ARHGAP6: variants seen among roughly 807,000 people sequenced by gnomAD.
ARHGAP6 encodes the protein Rho GTPase activating protein 6, also known as rho GTPase-activating protein 6.
In ARHGAP6, 16 loss-of-function variants were observed where a neutral mutation model predicts 55.7. The ratio of observed to expected loss-of-function variants is 0.29; its 90% CI spans 0.19 to 0.44. The LOEUF (loss-of-function observed/expected upper bound fraction) is 0.44, where lower values mean the gene tolerates loss of function less well. Among genes scored for constraint, ARHGAP6 ranks in the 20% least tolerant of loss-of-function variants. The pLI, the probability that ARHGAP6 is intolerant of heterozygous loss-of-function variation, is 1.00. For missense variants in ARHGAP6, 698 were observed against 808.9 expected (o/e 0.86, Z 1.66); for synonymous variants, 382 against 360.9 (o/e 1.06, Z -0.66).
intron 1 of ARHGAP6, among the ~76,000 whole-genome samples, chrX:11,631,522 G>A (rs755991785): frequency 5.1e-4 from 55 of 107,110 alleles, no homozygotes; most frequent in Middle Eastern, 4.7e-3. Flanking sequence ...GCAAAACTCC[G>A]TCTAAAAAAA....
chrX:11,147,351 A>G (rs1217797318), intron 10 of ARHGAP6, among the ~76,000 whole-genome samples: 2 of 113,220 alleles, frequency 1.8e-5, no homozygotes, highest in East Asian at 2.8e-4. Flanking sequence ...ACACATGCAT[A>G]TACACATACA....
intron 1 of ARHGAP6, among the ~76,000 whole-genome samples, chrX:11,660,475 T>C (rs111340569): frequency 0.16 from 14,374 of 90,663 alleles, 1,030 homozygotes; most frequent in Middle Eastern, 0.29. Context: ...TGCATTGAGC[T>C]GAGATCGTGC....
chrX:11,156,979 G>A (rs1425184230), intron 9 of ARHGAP6, among the ~76,000 whole-genome samples: 3 of 112,536 alleles, frequency 2.7e-5, no homozygotes, highest in Non-Finnish European at 3.8e-5. Context: ...CCCAATGGGG[G>A]CACTTTCTAG....
rs189616881 is a variant in ARHGAP6 at position 11,333,949 on chromosome X, C to A, written c.589-79242G>T. Among the ~76,000 whole-genome samples, 4 of 111,822 alleles carry A rather than the reference C, an allele frequency of 3.6e-5. No homozygotes were observed. In the East Asian group the frequency reaches 1.1e-3, roughly 31 times the overall value. ...GTTTTTTGGTGCTATGAGTTTCTCA[C>A]ACATGTAAACCCTTTCGGAAAAGTT... On this transcript the variant is annotated intron_variant, in intron 1 of 12. Coordinates refer to ENST00000337414, the MANE Select transcript of ARHGAP6 (RefSeq NM_013427.3).
chrX:11,268,313 C>T (rs767688390), intron 1 of ARHGAP6, among the ~76,000 whole-genome samples: 18 of 112,004 alleles, frequency 1.6e-4, no homozygotes, highest in Admixed American at 1.0e-3. Context: ...GTATCCAGTG[C>T]GGTGTGCTTT....
intron 1 of ARHGAP6, among the ~76,000 whole-genome samples, chrX:11,307,340 C>T (rs374348811): frequency 2.1e-4 from 23 of 110,918 alleles, no homozygotes; most frequent in African/African-American, 7.6e-4. Flanking sequence ...GGCTTGCATA[C>T]TCTCTCTACC....
intron 1 of ARHGAP6, among the ~76,000 whole-genome samples, chrX:11,651,661 T>A (rs1159162790): frequency 8.9e-6 from 1 of 111,894 alleles, no homozygotes; most frequent in Admixed American, 9.5e-5. Context: ...TACCGAGTAA[T>A]GGGATTGCTG....
intron 1 of ARHGAP6, among the ~76,000 whole-genome samples, chrX:11,411,901 AACATTTTTGTC>A (rs2147766762): frequency 9.0e-6 from 1 of 111,414 alleles, no homozygotes; most frequent in Non-Finnish European, 1.9e-5. Flanking sequence ...CCAATTTGAG[AACATTTTTGTC>A]ACTTCAATAA....
At chrX:11,547,738 C>T (rs2051225323) in intron 1 of ARHGAP6, among the ~76,000 whole-genome samples, 1 of 112,161 alleles carries the variant, frequency 8.9e-6, no homozygotes, top group Non-Finnish European at 1.9e-5. Flanking sequence ...AAGGCACAGG[C>T]CCTGCAACTG....
chrX:11,176,250 TA>T lies in ARHGAP6; in HGVS notation c.1629+1849del, dbSNP rs1569242412. Reference sequence around the variant, plus strand: ...GGATTTGCATATATATATATATATATATATATATATATATTTGCATATATTT... The same window carrying T: ...GGATTTGCATATATATATATATATATTATATATATATATTTGCATATATTT... On this transcript the variant is annotated intron_variant, in intron 8 of 12. Transcript: ENST00000337414. Among the ~76,000 whole-genome samples, 33 of 68,859 alleles carry T rather than the reference TA, an allele frequency of 4.8e-4. 1 individual carries two copies. The highest frequency in any genetic ancestry group is 7.2e-3 in the Middle Eastern group (1 of 139). The allele number at this position is 68,859 out of a possible 115,157, so 59.8% of individuals were successfully genotyped here.
At chrX:11,605,269 C>T (rs965006682) in intron 1 of ARHGAP6, among the ~76,000 whole-genome samples, 3 of 111,375 alleles carry the variant, frequency 2.7e-5, no homozygotes, top group East Asian at 2.8e-4. Context: ...GTAAAAATGA[C>T]GAAGCCTGAC....
chrX:11,160,137 C>T (rs1166493869), intron 9 of ARHGAP6, among the ~76,000 whole-genome samples: 1 of 110,576 alleles, frequency 9.0e-6, no homozygotes, highest in African/African-American at 3.3e-5. Flanking sequence ...TTAAAACTTG[C>T]TAGGCTTTGA....
intron 1 of ARHGAP6, among the ~76,000 whole-genome samples, chrX:11,478,831 A>T (rs760529470): frequency 1.9e-4 from 21 of 111,998 alleles, no homozygotes; most frequent in Non-Finnish European, 1.7e-4. Context: ...CAACAACAAA[A>T]TTCTTCCTAG....
At chrX:11,450,521 C>G (rs1473171420) in intron 1 of ARHGAP6, among the ~76,000 whole-genome samples, 2 of 111,697 alleles carry the variant, frequency 1.8e-5, no homozygotes, top group Non-Finnish European at 3.8e-5. Flanking sequence ...CACTGCAGGG[C>G]TCTGGTGAGC....
At chrX:11,326,685 T>C (rs1439349309) in intron 1 of ARHGAP6, among the ~76,000 whole-genome samples, 1 of 111,957 alleles carries the variant, frequency 8.9e-6, no homozygotes. Context: ...AGTGGTAGCC[T>C]GTATTGCTTA....
intron 5 of ARHGAP6, among the ~76,000 whole-genome samples, chrX:11,184,891 G>A (rs2046366344): frequency 8.9e-6 from 1 of 111,886 alleles, no homozygotes; most frequent in Non-Finnish European, 1.9e-5. Flanking sequence ...ACCATAGAGT[G>A]TACATACACC....
chrX:11,255,425 G>C (rs1175178461), intron 1 of ARHGAP6, among the ~76,000 whole-genome samples: 1 of 109,052 alleles, frequency 9.2e-6, no homozygotes, highest in Non-Finnish European at 1.9e-5. Context: ...TAATATATGA[G>C]AATATATTAT....
intron 1 of ARHGAP6, among the ~76,000 whole-genome samples, chrX:11,376,409 G>A (rs113730027): frequency 7.5e-4 from 84 of 112,744 alleles, no homozygotes; most frequent in Middle Eastern, 4.6e-3. Context: ...AAAGCACAAA[G>A]GCACAGGGAG....
chrX:11,320,812 G>C (rs546659803), intron 1 of ARHGAP6, among the ~76,000 whole-genome samples: 27 of 73,246 alleles, frequency 3.7e-4, no homozygotes, highest in South Asian at 1.5e-3. Context: ...CACACACACA[G>C]GTGTATAATA....
Sources: allele counts gnomAD v4.1 joint callset (sites outside exome capture counted in the v4.1 genomes callset), GRCh38; gene constraint gnomAD v4.1.1; transcripts MANE v1.5; gene names NCBI Gene and HGNC (gene_info 2026-07-23, HGNC 2026-07-21).